The following ARHGAP40 variants were observed in gnomAD, a reference collection of about 807,000 sequenced individuals.
ARHGAP40 encodes the protein Rho GTPase activating protein 40.
A neutral mutation model predicts 73.5 loss-of-function variants in ARHGAP40; 43 were observed. That is an observed-to-expected ratio of 0.58 (90% CI 0.46 to 0.75). The LOEUF (loss-of-function observed/expected upper bound fraction) is 0.75. ARHGAP40 is among the 30% of genes least tolerant of loss of function. The pLI is 0.00. For missense variants in ARHGAP40, 734 were observed against 861.8 expected (o/e 0.85, Z 1.86); for synonymous variants, 300 against 352.8 (o/e 0.85, Z 1.68).
At chr20:38,647,229 C>A in intron 13 of ARHGAP40, 103 bp downstream of exon 13, 1 of 1,059,312 alleles carries the variant, frequency 9.4e-7, no homozygotes, top group Non-Finnish European at 1.2e-6. Flanking sequence ...TTGGCCTGAC[C>A]TGGCCTTCCC....
At chr20:38,604,511 T>C (rs1344560988) in intron 1 of ARHGAP40, among the ~76,000 whole-genome samples, 1 of 151,284 alleles carries the variant, frequency 6.6e-6, no homozygotes, top group South Asian at 2.1e-4. Flanking sequence ...TTCTCCTGCC[T>C]TAGCCTCTTG....
Position 38,643,698 on chromosome 20 carries a change from C to T in ARHGAP40, c.1363-6C>T, listed in dbSNP as rs1200260730. The T allele has an allele frequency of 4.6e-6, 6 of 1,305,622 alleles. No individual in the cohort carries two copies. In the South Asian group the frequency reaches 7.4e-5, roughly 16 times the overall value. 80.9% of individuals were successfully genotyped at this position (1,305,622 alleles called of 1,614,324 possible). A position where few individuals can be genotyped will look rare whatever the true frequency, so the allele number is the denominator to read the frequency against. On this transcript the variant is annotated splice_polypyrimidine_tract_variant and splice_region_variant and intron_variant, in intron 10 of 14. Coordinates refer to ENST00000373345, the Ensembl canonical transcript of ARHGAP40. ...GATTTGAGGGAGGCTCTGCACCCTT[C>T]CCTAGGCACTGCTGGAATTCCTCAG...
At chr20:38,609,014 G>A (rs1190808954) in intron 1 of ARHGAP40, among the ~76,000 whole-genome samples, 1 of 152,046 alleles carries the variant, frequency 6.6e-6, no homozygotes, top group Non-Finnish European at 1.5e-5. Flanking sequence ...GACCTTAGTG[G>A]TTTCATTGGG....
At chr20:38,626,306 A>G (rs2088898543) in intron 2 of ARHGAP40, among the ~76,000 whole-genome samples, 1 of 152,156 alleles carries the variant, frequency 6.6e-6, no homozygotes, top group Non-Finnish European at 1.5e-5. Context: ...GCTCTTGTCC[A>G]TTTCCCCCAT....
intron 1 of ARHGAP40, among the ~76,000 whole-genome samples, chr20:38,604,674 G>A (rs1464353003): frequency 1.3e-5 from 2 of 152,070 alleles, no homozygotes; most frequent in Admixed American, 6.5e-5. Flanking sequence ...GATTACAAGC[G>A]TGAGCCAATG....
intron 9 of ARHGAP40, among the ~76,000 whole-genome samples, chr20:38,640,993 T>C (rs1034685448): frequency 5.3e-5 from 8 of 152,146 alleles, no homozygotes; most frequent in African/African-American, 1.9e-4. Context: ...TCCTTTACTA[T>C]TGTGTCCAAG....
Position 38,623,187 on chromosome 20 carries a change from G to A in ARHGAP40, c.138-172G>A, listed in dbSNP as rs560442179. ...ATTGCTGGTTTCCAAGGATCCCGCA[G>A]GGGTGATGGGTCACCAGTCAATTTG... is the stretch of plus-strand genomic sequence containing the variant. On this transcript the variant is annotated intron_variant, in intron 1 of 14. Coordinates refer to ENST00000373345, the Ensembl canonical transcript of ARHGAP40. Among the ~76,000 whole-genome samples the A allele has an allele frequency of 2.0e-5, 3 of 152,298 alleles. No homozygotes were observed. In the South Asian group the frequency reaches 6.2e-4, roughly 32 times the overall value.
rs192973460 is a variant in ARHGAP40 at position 38,643,415 on chromosome 20, T to C, written c.1363-289T>C. Among the ~76,000 whole-genome samples the C allele has an allele frequency of 7.2e-5, 11 of 152,324 alleles. No individual in the cohort carries two copies. In the East Asian group the frequency reaches 1.7e-3, roughly 24 times the overall value. On this transcript the variant is annotated intron_variant, in intron 10 of 14. Coordinates refer to ENST00000373345, the Ensembl canonical transcript of ARHGAP40. Reference sequence around the variant, plus strand: ...CAGGAAATGACCCATGTTCCAGACCTGTGGCCCTTTTCTACCTGGAAGTTG... The same window carrying C: ...CAGGAAATGACCCATGTTCCAGACCCGTGGCCCTTTTCTACCTGGAAGTTG...
intron 1 of ARHGAP40, among the ~76,000 whole-genome samples, chr20:38,605,349 T>G (rs1018870570): frequency 3.3e-5 from 5 of 152,160 alleles, no homozygotes; most frequent in African/African-American, 1.2e-4. Context: ...GACATAACAC[T>G]GGTCACTACC....
At chr20:38,617,209 C>A (rs2088845986) in intron 1 of ARHGAP40, among the ~76,000 whole-genome samples, 1 of 152,192 alleles carries the variant, frequency 6.6e-6, no homozygotes, top group Admixed American at 6.5e-5. Context: ...ACCGACTCAT[C>A]CCGATGGCCC....
exon 6 of ARHGAP40, chr20:38,634,687 G>A (rs1396664383): frequency 7.7e-7 from 1 of 1,305,288 alleles, no homozygotes; most frequent in Non-Finnish European, 1.0e-6. Flanking sequence ...CAGGATATGA[G>A]GAAGGTACCT....
intron 1 of ARHGAP40, among the ~76,000 whole-genome samples, chr20:38,603,453 CTATCTATCTATT>C (rs2088751042): frequency 6.8e-6 from 1 of 146,854 alleles, no homozygotes; most frequent in African/African-American, 2.7e-5. Context: ...ATCTATCTAT[CTATCTATCTATT>C]CTATATCTAA....
At position 38,604,533 on chromosome 20, in the gene ARHGAP40, T is replaced by A. The variant is rs73621959; in HGVS notation, c.137+2454T>A. Among the ~76,000 whole-genome samples the A allele has an allele frequency of 2.0e-4, 30 of 152,064 alleles. 1 individual carries two copies. The East Asian group carries it at 5.4e-3, about 27-fold the overall frequency. On this transcript the variant is annotated intron_variant, in intron 1 of 14. Transcript: ENST00000373345. ...GCCTTAGCCTCTTGAGTAGCTAGGA[T>A]TACAGGCGTGCGCCACCACGCCTGG...
At chr20:38,606,049 C>T (rs1267595441) in intron 1 of ARHGAP40, among the ~76,000 whole-genome samples, 1 of 152,100 alleles carries the variant, frequency 6.6e-6, no homozygotes, top group Non-Finnish European at 1.5e-5. Flanking sequence ...TTTGTAGAGA[C>T]AGGGTCTCCC....
chr20:38,624,683 G>A (rs1048485015), intron 2 of ARHGAP40, among the ~76,000 whole-genome samples: 1 of 152,048 alleles, frequency 6.6e-6, no homozygotes, highest in Non-Finnish European at 1.5e-5. Flanking sequence ...AAATGCTCTT[G>A]CCCCAGGCAT....
intron 1 of ARHGAP40, chr20:38,615,546 C>T: frequency 1.7e-6 from 1 of 577,926 alleles, no homozygotes; most frequent in South Asian, 1.7e-5. Flanking sequence ...GGAGGTGCCG[C>T]AGCCACTGTT....
chr20:38,611,046 C>T (rs2088801935), intron 1 of ARHGAP40, among the ~76,000 whole-genome samples: 1 of 151,932 alleles, frequency 6.6e-6, no homozygotes, highest in Non-Finnish European at 1.5e-5. Context: ...CCCACCACCA[C>T]ACCTGGATAA....
At chr20:38,619,412 G>A (rs1003544047) in intron 1 of ARHGAP40, among the ~76,000 whole-genome samples, 2 of 151,998 alleles carry the variant, frequency 1.3e-5, no homozygotes, top group East Asian at 3.9e-4. Flanking sequence ...TGGTTCAGAA[G>A]TTGGTGGATA....
chr20:38,645,818 G>C (rs1354016126), intron 11 of ARHGAP40, among the ~76,000 whole-genome samples: 1 of 152,176 alleles, frequency 6.6e-6, no homozygotes, highest in African/African-American at 2.4e-5. Flanking sequence ...CTAAGCCTCA[G>C]GGTGGGCTCC....
Sources: gnomAD v4.1 joint callset for allele counts (sites outside exome capture counted in the v4.1 genomes callset) on GRCh38, gnomAD v4.1.1 for gene constraint, MANE v1.5 for transcripts, NCBI Gene and HGNC (gene_info 2026-07-23, HGNC 2026-07-21) for gene names.